Variants in DDAH1 observed in about 807,000 individuals in gnomAD.
The protein encoded by DDAH1 is N(G),N(G)-dimethylarginine dimethylaminohydrolase 1.
A neutral mutation model predicts 28.8 loss-of-function variants in DDAH1; 19 were observed. That is an observed-to-expected ratio of 0.66 (90% CI 0.46 to 0.97). The LOEUF is 0.97. DDAH1 is among the 50% of genes least tolerant of loss of function. The probability of loss-of-function intolerance (pLI) is 0.00; values close to 1 mark genes in which losing one functional copy is unlikely to be tolerated. For missense variants in DDAH1, 326 were observed against 375.9 expected, an observed-to-expected ratio of 0.87 and a Z score of 1.10; for synonymous variants, 153 against 154.4, an observed-to-expected ratio of 0.99 and a Z score of 0.07.
At chr1:85,434,331 T>C (rs1387317527) in intron 1 of DDAH1, among the ~76,000 whole-genome samples, 1 of 152,188 alleles carries the variant, frequency 6.6e-6, no homozygotes, top group Non-Finnish European at 1.5e-5. Context: ...CTTGAGTCTG[T>C]TCCATGACTA....
At chr1:85,371,456 T>C (rs781492753) in intron 1 of DDAH1, among the ~76,000 whole-genome samples, 15 of 152,122 alleles carry the variant, frequency 9.9e-5, no homozygotes, top group Non-Finnish European at 1.9e-4. Context: ...CACCTGTGAA[T>C]AGCCACTGCA....
At chr1:85,446,243 T>C (rs1654422130) in intron 1 of DDAH1, among the ~76,000 whole-genome samples, 1 of 152,138 alleles carries the variant, frequency 6.6e-6, no homozygotes, top group Non-Finnish European at 1.5e-5. Flanking sequence ...CTTACGATCA[T>C]GGCAGAAGCT....
intron 1 of DDAH1, among the ~76,000 whole-genome samples, chr1:85,461,987 C>T (rs369450297): frequency 3.3e-5 from 5 of 152,154 alleles, no homozygotes; most frequent in East Asian, 3.8e-4. Context: ...TCTCTCCAGG[C>T]CTCAGTTTCA....
chr1:85,339,653 T>C (rs1311918887), intron 4 of DDAH1, among the ~76,000 whole-genome samples: 1 of 152,198 alleles, frequency 6.6e-6, no homozygotes, highest in Non-Finnish European at 1.5e-5. Context: ...TTGTGTCATG[T>C]AGTGGGGAAG....
chr1:85,325,436 C>T (rs577216789), intron 4 of DDAH1, among the ~76,000 whole-genome samples: 1 of 152,068 alleles, frequency 6.6e-6, no homozygotes, highest in Non-Finnish European at 1.5e-5. Context: ...CAGGTGATGG[C>T]CTTAATACAA....
chr1:85,542,204 A>T (rs1658491250), intron 1 of DDAH1, among the ~76,000 whole-genome samples: 1 of 152,208 alleles, frequency 6.6e-6, no homozygotes, highest in South Asian at 2.1e-4. Flanking sequence ...ATAATACAAC[A>T]TGGGAATGCC....
At chr1:85,519,647 CAATCTT>C (rs1657604268) in intron 1 of DDAH1, among the ~76,000 whole-genome samples, 1 of 152,014 alleles carries the variant, frequency 6.6e-6, no homozygotes, top group Non-Finnish European at 1.5e-5. Flanking sequence ...ATGCTAAAAA[CAATCTT>C]AAACTTATCA....
intron 1 of DDAH1, among the ~76,000 whole-genome samples, chr1:85,368,996 T>C (rs1452676008): frequency 2.0e-5 from 3 of 151,574 alleles, no homozygotes; most frequent in African/African-American, 7.3e-5. Context: ...CCAGCCCAAA[T>C]GTAGGTCCTG....
chr1:85,508,210 G>A (rs1302462280), intron 1 of DDAH1, among the ~76,000 whole-genome samples: 2 of 152,198 alleles, frequency 1.3e-5, no homozygotes, highest in Non-Finnish European at 2.9e-5. Context: ...ATCCTTGCCT[G>A]AATCGATTAT....
rs573610235 is a variant in DDAH1 at position 85,444,849 on chromosome 1, A to T, written c.303+19894T>A. ...ATTAGTCAGGGTTCTCTAGAGGAAC[A>T]GAACTAATGGAATAGATATATAAAT... On this transcript the variant is annotated intron_variant, in intron 1 of 5. Coordinates refer to ENST00000284031, the MANE Select transcript of DDAH1 (RefSeq NM_012137.4). 1.1e-4 allele frequency among the ~76,000 whole-genome samples: 13 copies of T among 123,524 alleles called. No individual in the cohort carries two copies. In the South Asian group the frequency reaches 2.1e-3, roughly 20 times the overall value. 81.0% of individuals were successfully genotyped at this position (123,524 alleles called of 152,430 possible).
chr1:85,331,976 A>C lies in DDAH1; in HGVS notation c.598-7093T>G, dbSNP rs548200747. 3.9e-5 allele frequency among the ~76,000 whole-genome samples: 6 copies of C among 152,304 alleles called. No homozygotes were observed. The South Asian group carries it at 8.3e-4, about 21-fold the overall frequency. On this transcript the variant is annotated intron_variant, in intron 4 of 5. Coordinates refer to ENST00000284031, the MANE Select transcript of DDAH1 (RefSeq NM_012137.4). ...AGGGTCCCTAGTGAGAGGAAAGGGT[A>C]AGTGAGAGATTCCCAGTGGTACATG...
rs1446248261 is a variant in DDAH1 at position 85,435,793 on chromosome 1, A to AT, written c.303+28949dup. 2.8e-4 allele frequency among the ~76,000 whole-genome samples: 42 copies of AT among 151,964 alleles called. 1 individual carries two copies. The highest frequency in any genetic ancestry group is 2.8e-3 in the Admixed American group (42 of 15,238). Reference sequence around the variant, plus strand: ...GACCACTTATATCTTTTTTATTTTTATTTTTTTGAGACAGTCTCTCTTTCT... The same window carrying AT: ...GACCACTTATATCTTTTTTATTTTTATTTTTTTTGAGACAGTCTCTCTTTCT... On this transcript the variant is annotated intron_variant, in intron 1 of 5. Coordinates refer to ENST00000284031, the MANE Select transcript of DDAH1 (RefSeq NM_012137.4).
chr1:85,348,738 C>T (rs1221157115), intron 4 of DDAH1, among the ~76,000 whole-genome samples: 1 of 152,170 alleles, frequency 6.6e-6, no homozygotes, highest in East Asian at 1.9e-4. Context: ...CAGTTAGGGC[C>T]TATATCATAT....
At chr1:85,514,989 A>G (rs1287110579) in intron 1 of DDAH1, among the ~76,000 whole-genome samples, 1 of 134,532 alleles carries the variant, frequency 7.4e-6, no homozygotes, top group African/African-American at 2.8e-5. Flanking sequence ...CATTGCTTCT[A>G]TGTTCTTTCA....
At chr1:85,442,178 C>T (rs1017597734) in intron 1 of DDAH1, among the ~76,000 whole-genome samples, 1 of 152,116 alleles carries the variant, frequency 6.6e-6, no homozygotes, top group Non-Finnish European at 1.5e-5. Flanking sequence ...ACCCTCCCTC[C>T]TCCCGCCACC....
At chr1:85,530,241 T>C (rs1658046086) in intron 1 of DDAH1, among the ~76,000 whole-genome samples, 1 of 152,196 alleles carries the variant, frequency 6.6e-6, no homozygotes, top group South Asian at 2.1e-4. Context: ...ATTTGCTCAG[T>C]GGAGGTACAA....
intron 5 of DDAH1, among the ~76,000 whole-genome samples, chr1:85,322,177 C>T (rs1220432155): frequency 6.6e-6 from 1 of 152,162 alleles, no homozygotes; most frequent in African/African-American, 2.4e-5. Context: ...CCTGCCTTGG[C>T]CTTCCAAAGT....
intron 1 of DDAH1, among the ~76,000 whole-genome samples, chr1:85,451,943 A>G (rs913646849): frequency 6.6e-6 from 1 of 152,200 alleles, no homozygotes; most frequent in African/African-American, 2.4e-5. Flanking sequence ...TTGGTTTACA[A>G]ATGAGTGTAT....
chr1:85,457,172 A>C (rs1336869889), intron 1 of DDAH1, among the ~76,000 whole-genome samples: 1 of 152,216 alleles, frequency 6.6e-6, no homozygotes, highest in African/African-American at 2.4e-5. Context: ...CTGAGAGGGC[A>C]CGGGTGAGTT....
Sources: gnomAD v4.1 joint callset for allele counts (sites outside exome capture counted in the v4.1 genomes callset) on GRCh38, gnomAD v4.1.1 for gene constraint, MANE v1.5 for transcripts, NCBI Gene and HGNC (gene_info 2026-07-23, HGNC 2026-07-21) for gene names.